The following DMD variants were observed in gnomAD, a reference collection of about 807,000 sequenced individuals.
DMD encodes the protein mutant dystrophin.
DMD carries 63 observed loss-of-function variants against 330.1 expected under a neutral mutation model. That is an observed-to-expected ratio of 0.19 (90% confidence interval 0.16 to 0.24). The LOEUF (loss-of-function observed/expected upper bound fraction) is 0.24, where lower values mean the gene tolerates loss of function less well. DMD is among the 10% of genes least tolerant of loss of function. The probability of loss-of-function intolerance (pLI) is 1.00; values close to 1 mark genes in which losing one functional copy is unlikely to be tolerated. For missense variants in DMD, 3,344 were observed against 2,684.1 expected (o/e 1.25, Z -5.43); for synonymous variants, 1,223 against 959.8 (o/e 1.27, Z -5.07).
chrX:31,886,362 T>G (rs1224962287), intron 47 of DMD, among the ~76,000 whole-genome samples: 1 of 111,340 alleles, frequency 9.0e-6, no homozygotes, highest in Non-Finnish European at 1.9e-5. Context: ...AGTATAAAAT[T>G]TCTTTACATA....
At chrX:31,509,071 A>C (rs1306730433) in intron 55 of DMD, among the ~76,000 whole-genome samples, 1 of 111,112 alleles carries the variant, frequency 9.0e-6, no homozygotes, top group African/African-American at 3.3e-5. Flanking sequence ...ATCACATCAG[A>C]AGTTGAAAGA....
At chrX:32,088,336 C>T (rs189560583) in intron 44 of DMD, among the ~76,000 whole-genome samples, 3 of 109,898 alleles carry the variant, frequency 2.7e-5, no homozygotes, top group East Asian at 2.9e-4. Flanking sequence ...GCCACTTGTT[C>T]GAGGTCATTT....
chrX:32,518,264 T>C (rs2046060434), intron 17 of DMD, 133 bp from the exon 18 acceptor site: 8 of 635,795 alleles, frequency 1.3e-5, no homozygotes, highest in African/African-American at 6.6e-5. Flanking sequence ...TTAGTATTAA[T>C]AGCAGCACTA....
intron 1 of DMD, among the ~76,000 whole-genome samples, chrX:33,109,786 G>A (rs2095325616): frequency 2.7e-5 from 3 of 110,513 alleles, no homozygotes; most frequent in South Asian, 7.7e-4. Flanking sequence ...GCAGAGCTTT[G>A]ATCTCTTCTT....
intron 52 of DMD, among the ~76,000 whole-genome samples, chrX:31,720,180 G>A (rs942554671): frequency 3.6e-5 from 4 of 111,891 alleles, no homozygotes; most frequent in Non-Finnish European, 7.5e-5. Context: ...CTTTATAAAT[G>A]TTTTACTTAA....
chrX:31,178,931 G>A, intron 69 of DMD, 126 bp from the exon 70 acceptor site: 1 of 874,214 alleles, frequency 1.1e-6, no homozygotes, highest in Non-Finnish European at 1.6e-6. Context: ...TGTGAGCAAA[G>A]GCTTTGGAAT....
At position 32,267,071 on chromosome X, in the gene DMD, G is replaced by A. The variant is rs1051006827; in HGVS notation, c.6290+20458C>T. ...AAGTTCCACCATTCCTAATGCCCCA[G>A]ATTTGCCACTGTTGTTTCCTTATTA... On this transcript the variant is annotated intron_variant, in intron 43 of 78. Transcript: ENST00000357033. Among the ~76,000 whole-genome samples, 9 of 112,236 alleles carry A rather than the reference G, an allele frequency of 8.0e-5. No individual in the cohort carries two copies. The Admixed American group carries it at 8.5e-4, about 11-fold the overall frequency.
intron 2 of DMD, among the ~76,000 whole-genome samples, chrX:32,908,243 C>A (rs1210282052): frequency 9.0e-6 from 1 of 111,411 alleles, no homozygotes; most frequent in East Asian, 2.8e-4. Context: ...ATTATAATTT[C>A]TCATATTTTA....
At chrX:32,890,947 G>C (rs1184133594) in intron 2 of DMD, among the ~76,000 whole-genome samples, 20 of 112,200 alleles carry the variant, frequency 1.8e-4, no homozygotes, top group Non-Finnish European at 1.9e-5. Context: ...CAGATGTGCT[G>C]TAAATGTAAA....
At chrX:31,612,725 T>C (rs918532059) in intron 55 of DMD, among the ~76,000 whole-genome samples, 4 of 111,777 alleles carry the variant, frequency 3.6e-5, no homozygotes, top group African/African-American at 6.5e-5. Context: ...GGGCAAACTA[T>C]AGACAAAGAA....
intron 7 of DMD, among the ~76,000 whole-genome samples, chrX:32,765,777 T>C (rs772739231): frequency 1.8e-5 from 2 of 112,054 alleles, no homozygotes; most frequent in East Asian, 2.8e-4. Flanking sequence ...AGATATTTAA[T>C]TGCCCAATCT....
chrX:31,204,477 T>C (rs2043857603), intron 66 of DMD, among the ~76,000 whole-genome samples: 1 of 112,194 alleles, frequency 8.9e-6, no homozygotes, highest in Admixed American at 9.4e-5. Context: ...TTAAGAGACA[T>C]ATAACTGGCC....
At chrX:32,556,672 T>C (rs1415480318) in intron 16 of DMD, among the ~76,000 whole-genome samples, 1 of 111,771 alleles carries the variant, frequency 8.9e-6, no homozygotes, top group Non-Finnish European at 1.9e-5. Flanking sequence ...AATCACTCAG[T>C]TTCAGGTATG....
At chrX:31,913,094 G>A (rs1196750807) in intron 47 of DMD, among the ~76,000 whole-genome samples, 2 of 112,626 alleles carry the variant, frequency 1.8e-5, no homozygotes, top group Non-Finnish European at 3.7e-5. Flanking sequence ...AGTCATGTGA[G>A]TGAGGCCATT....
chrX:32,857,724 A>C (rs1383742608), intron 2 of DMD, among the ~76,000 whole-genome samples: 1 of 111,696 alleles, frequency 9.0e-6, no homozygotes, highest in Non-Finnish European at 1.9e-5. Context: ...GAAAGGTGAG[A>C]GAAGTCTTGG....
chrX:31,778,953 T>A (rs1204719720), intron 50 of DMD, among the ~76,000 whole-genome samples: 1 of 111,861 alleles, frequency 8.9e-6, no homozygotes, highest in Non-Finnish European at 1.9e-5. Context: ...CATATGCGGT[T>A]CTTTCTTTTC....
At chrX:32,595,557 C>G (rs764550310) in intron 13 of DMD, among the ~76,000 whole-genome samples, 200 bp downstream of exon 13, 1 of 111,501 alleles carries the variant, frequency 9.0e-6, no homozygotes, top group Non-Finnish European at 1.9e-5. Flanking sequence ...TTTACCCATC[C>G]GCAGTTAGTT....
intron 2 of DMD, among the ~76,000 whole-genome samples, chrX:32,906,538 A>G (rs1446684645): frequency 8.9e-6 from 1 of 112,202 alleles, no homozygotes; most frequent in Non-Finnish European, 1.9e-5. Flanking sequence ...GCAAGAACTA[A>G]GACAGAGCTA....
At chrX:32,293,360 A>G (rs554459333) in intron 42 of DMD, among the ~76,000 whole-genome samples, 39 of 111,938 alleles carry the variant, frequency 3.5e-4, no homozygotes, top group Middle Eastern at 4.6e-3. Flanking sequence ...TGTGGAAAGC[A>G]TGGGCAGAGG....
Sources: allele counts gnomAD v4.1 joint callset (sites outside exome capture counted in the v4.1 genomes callset), GRCh38; gene constraint gnomAD v4.1.1; transcripts MANE v1.5; gene names NCBI Gene and HGNC (gene_info 2026-07-23, HGNC 2026-07-21).